NFIX: variants seen among roughly 807,000 people sequenced by gnomAD.
NFIX encodes nuclear factor I X, also known as nuclear factor 1 X-type.
In NFIX, 2 loss-of-function variants were observed where a neutral mutation model predicts 53.3. The ratio of observed to expected loss-of-function variants is 0.04; its 90% CI spans 0.02 to 0.12. The LOEUF is 0.12. Ranked by LOEUF, NFIX falls within the 10% of genes least tolerant of loss-of-function variation. The pLI is 1.00. For missense variants in NFIX, 310 were observed against 674.5 expected, an observed-to-expected ratio of 0.46 and a Z score of 5.99; for synonymous variants, 244 against 289.0, an observed-to-expected ratio of 0.84 and a Z score of 1.58.
intron 2 of NFIX, among the ~76,000 whole-genome samples, chr19:13,030,548 C>G (rs2013721643): frequency 6.6e-6 from 1 of 152,182 alleles, no homozygotes; most frequent in Non-Finnish European, 1.5e-5. Flanking sequence ...TCTTATGTCT[C>G]CCTTCCACCC....
chr19:13,026,506 C>T (rs1289910545), intron 2 of NFIX, among the ~76,000 whole-genome samples: 1 of 152,000 alleles, frequency 6.6e-6, no homozygotes, highest in African/African-American at 2.4e-5. Context: ...TCCTCTGTTC[C>T]TTTTTTCCCT....
At chr19:13,053,877 C>A (rs1422791929) in intron 2 of NFIX, among the ~76,000 whole-genome samples, 2 of 151,952 alleles carry the variant, frequency 1.3e-5, no homozygotes, top group Non-Finnish European at 2.9e-5. Flanking sequence ...GGATCACTGC[C>A]CTCCCCCAGT....
intron 2 of NFIX, among the ~76,000 whole-genome samples, chr19:13,034,941 G>A (rs929093072): frequency 1.3e-5 from 2 of 152,158 alleles, no homozygotes; most frequent in South Asian, 2.1e-4. Context: ...TGACATTCGA[G>A]TGAGATCATT....
At chr19:13,069,642 G>C (rs2016648664) in intron 2 of NFIX, 1 of 152,328 alleles carries the variant, frequency 6.6e-6, no homozygotes, top group Admixed American at 6.5e-5. Context: ...AGACTGAGTG[G>C]GAGGCCCGGC....
intron 1 of NFIX, 130 bp from the exon 2 acceptor site, chr19:13,024,891 G>A: frequency 6.0e-6 from 8 of 1,340,610 alleles, no homozygotes; most frequent in Non-Finnish European, 8.2e-6. Context: ...GAGGGAGGAG[G>A]AGGAGAAGGC....
Position 13,051,768 on chromosome 19 carries a change from T to C in NFIX, c.560-21279T>C, listed in dbSNP as rs1053253573. Among the ~76,000 whole-genome samples, 1 of 152,164 alleles carries C rather than the reference T, an allele frequency of 6.6e-6. No individual in the cohort carries two copies. The highest frequency in any genetic ancestry group is 1.5e-5 in the Non-Finnish European group (1 of 68,026). On this transcript the variant is annotated intron_variant, in intron 2 of 10. Coordinates refer to ENST00000592199, the MANE Select transcript of NFIX (RefSeq NM_001365902.3). This position sits in a 1 kb window ranked among gnomAD's most constrained non-coding sequence, Gnocchi z 5.1. ...CTCAAGAGCCTTCCCTATTGACCCC[T>C]GACCAGCGATACTAATCTGTGTCAA...
chr19:13,061,512 C>T (rs1188861948), intron 2 of NFIX, among the ~76,000 whole-genome samples: 1 of 152,232 alleles, frequency 6.6e-6, no homozygotes, highest in Non-Finnish European at 1.5e-5. Flanking sequence ...CGCCGCAGCC[C>T]TCGGAGGGCA....
intron 8 of NFIX, among the ~76,000 whole-genome samples, chr19:13,082,968 G>A (rs11881808): frequency 0.056 from 8,549 of 152,240 alleles, 787 homozygotes; most frequent in African/African-American, 0.19. Flanking sequence ...ATTGATTTGC[G>A]GCGGGGCCGT....
rs1022865097 is a variant in NFIX at position 13,001,622 on chromosome 19, G to A, written c.27+5758G>A. ...GAGTGTATCCGTGTGTCTCACACAC[G>A]TGTTGGCCTGTCCGTGTCAACTTGT... On this transcript the variant is annotated intron_variant, in intron 1 of 10. Transcript: ENST00000592199. The surrounding 1 kb of genome is among the most constrained non-coding windows in gnomAD (Gnocchi z 6.5). Among the ~76,000 whole-genome samples, 6 of 152,186 alleles carry A rather than the reference G, an allele frequency of 3.9e-5. No individual in the cohort carries two copies. Among genetic ancestry groups the A allele is most frequent in the African/African-American group, 1.4e-4 (6 of 41,458 alleles).
At chr19:13,074,137 C>A in intron 5 of NFIX, 111 bp downstream of exon 5, 3 of 1,377,886 alleles carry the variant, frequency 2.2e-6, no homozygotes, top group South Asian at 1.3e-5. Flanking sequence ...TTCAGAATGT[C>A]ACCTCTCTCA....
In NFIX at chr19:13,073,893, T is replaced by C. The variant is rs538849845; in HGVS notation, c.698-13T>C. The C allele has an allele frequency of 6.2e-7, 1 of 1,613,900 alleles. No homozygotes were observed. Among genetic ancestry groups the C allele is most frequent in the South Asian group, 1.1e-5 (1 of 91,078 alleles). On this transcript the variant is annotated splice_polypyrimidine_tract_variant and intron_variant, in intron 4 of 10. Transcript: ENST00000592199. This position sits in a 1 kb window ranked among gnomAD's most constrained non-coding sequence, Gnocchi z 4.5. Reference sequence around the variant, plus strand: ...CCCACCTCCAAACCTCATCACCCTCTCGTTCTTCCCAGCTCCTGTTGCAAC... The same window carrying C: ...CCCACCTCCAAACCTCATCACCCTCCCGTTCTTCCCAGCTCCTGTTGCAAC...
chr19:13,023,940 TC>T, intron 1 of NFIX: 3 of 212,704 alleles, frequency 1.4e-5, no homozygotes, highest in East Asian at 1.4e-4. Flanking sequence ...CTCCTCCTCC[TC>T]CCCCCTCCCC....
At chr19:13,046,373 C>A (rs1303752504) in intron 2 of NFIX, among the ~76,000 whole-genome samples, 2 of 152,060 alleles carry the variant, frequency 1.3e-5, no homozygotes, top group Admixed American at 6.5e-5. Context: ...GCCACTGTGT[C>A]TTGTGTTTTC....
At chr19:13,042,796 T>C (rs2014729835) in intron 2 of NFIX, among the ~76,000 whole-genome samples, 1 of 134,036 alleles carries the variant, frequency 7.5e-6, no homozygotes, top group African/African-American at 2.8e-5. Context: ...GGGATGGACA[T>C]CCTATTACAC....
intron 1 of NFIX, among the ~76,000 whole-genome samples, chr19:13,023,783 C>CA (rs1330904211): frequency 7.0e-6 from 1 of 142,900 alleles, no homozygotes; most frequent in Non-Finnish European, 1.5e-5. Context: ...TGCTCCTTTT[C>CA]AAAAAAAATA....
rs867498113 is a variant in NFIX, at chr19:13,068,995, C to G, written c.560-4052C>G. Among the ~76,000 whole-genome samples, 1 of 152,348 alleles carries G rather than the reference C, an allele frequency of 6.6e-6. No homozygotes were observed. The highest frequency in any genetic ancestry group is 3.4e-3 in the Middle Eastern group (1 of 294). On this transcript the variant is annotated intron_variant, in intron 2 of 10. Coordinates refer to ENST00000592199, the MANE Select transcript of NFIX (RefSeq NM_001365902.3). This position sits in a 1 kb window ranked among gnomAD's most constrained non-coding sequence, Gnocchi z 4.2. ...ATGCCAGCCTGGCCAAGGCACCTGT[C>G]GGACACAGCGGCTGGGCTCAGGTTT...
At position 13,096,202 on chromosome 19, in the gene NFIX, CCT is replaced by C. The variant is rs1395897145; in HGVS notation, c.*1560_*1561del. ...CCTGGCCCCTTCTTGAGTCCTTGTG[CCT>C]CTCTCTTTCTCTCTCTTTCTTAATT... is the stretch of plus-strand genomic sequence containing the variant. On this transcript the variant is annotated 3_prime_UTR_variant, in exon 11 of 11. Coordinates refer to ENST00000592199, the MANE Select transcript of NFIX (RefSeq NM_001365902.3). The C allele has an allele frequency of 6.5e-6, 1 of 152,946 alleles. No individual in the cohort carries two copies. Among genetic ancestry groups the C allele is most frequent in the Non-Finnish European group, 1.5e-5 (1 of 68,328 alleles). 9.5% of individuals were successfully genotyped at this position (152,946 alleles called of 1,614,324 possible).
chr19:13,001,276 CGT>C lies in NFIX; in HGVS notation c.27+5417_27+5418del, dbSNP rs1374167295. ...TTTCCCGAGGATGTCTGTGTGGCAG[CGT>C]GTGTCTGCCCGGGTCCCTCTCCATG... On this transcript the variant is annotated intron_variant, in intron 1 of 10. Coordinates refer to ENST00000592199, the MANE Select transcript of NFIX (RefSeq NM_001365902.3). This position sits in a 1 kb window ranked among gnomAD's most constrained non-coding sequence, Gnocchi z 6.5. Among the ~76,000 whole-genome samples, 3 of 152,172 alleles carry C rather than the reference CGT, an allele frequency of 2.0e-5. No homozygotes were observed. Among genetic ancestry groups the C allele is most frequent in the African/African-American group, 7.2e-5 (3 of 41,434 alleles).
chr19:13,023,630 CTT>C (rs201731717), intron 1 of NFIX, among the ~76,000 whole-genome samples: 38 of 128,634 alleles, frequency 3.0e-4, no homozygotes, highest in African/African-American at 7.6e-4. Flanking sequence ...GCATTTTTTT[CTT>C]TTTTTTTTTT....
Sources: allele counts gnomAD v4.1 joint callset (sites outside exome capture counted in the v4.1 genomes callset), GRCh38; gene constraint gnomAD v4.1.1; non-coding constraint Gnocchi (gnomAD v3.1); transcripts MANE v1.5; gene names NCBI Gene and HGNC (gene_info 2026-07-23, HGNC 2026-07-21).